Variants in TRIM71 observed in about 807,000 individuals in gnomAD.
TRIM71 encodes the protein tripartite motif containing 71.
In TRIM71, 9 loss-of-function variants were observed where a neutral mutation model predicts 61.2. That is an observed-to-expected ratio of 0.15 (90% CI 0.09 to 0.26). The LOEUF is 0.26. Ranked by LOEUF, TRIM71 falls within the 10% of genes least tolerant of loss-of-function variation. The pLI, the probability that TRIM71 is intolerant of heterozygous loss-of-function variation, is 1.00. For missense variants in TRIM71, 998 were observed against 1,238.7 expected, an observed-to-expected ratio of 0.81 and a Z score of 2.92; for synonymous variants, 645 against 553.2, an observed-to-expected ratio of 1.17 and a Z score of -2.33.
At position 32,891,506 on chromosome 3, in the gene TRIM71, A is replaced by T; in HGVS notation, c.2302A>T (p.Asn768Tyr). 6.2e-7 allele frequency: 1 copy of T among 1,613,398 alleles called. No individual in the cohort carries two copies. The highest frequency in any genetic ancestry group is 8.5e-7 in the Non-Finnish European group (1 of 1,179,718). The change falls in exon 4 of 4, where the codon AAC becomes TAC. Residue 768 changes from asparagine to tyrosine, a missense_variant. Transcript: ENST00000383763. This position sits in a 1 kb window ranked among gnomAD's most constrained non-coding sequence, Gnocchi z 8.2. ...EGHLVVTDFN[N>Y]HRLLVIHPDC... ...CCACTTGGTGGTCACTGACTTCAACAACCACCGGCTCCTGGTTATTCACCC... is the reference window on the plus strand; with the variant it reads ...CCACTTGGTGGTCACTGACTTCAACTACCACCGGCTCCTGGTTATTCACCC...
intron 1 of TRIM71, among the ~76,000 whole-genome samples, chr3:32,827,268 C>G (rs867171003): frequency 7.7e-6 from 1 of 129,678 alleles, no homozygotes; most frequent in Non-Finnish European, 1.7e-5. Context: ...GGGGATAATT[C>G]TTTTTTTTTT....
At chr3:32,827,531 G>A (rs1575340807) in intron 1 of TRIM71, among the ~76,000 whole-genome samples, 1 of 151,938 alleles carries the variant, frequency 6.6e-6, no homozygotes, top group South Asian at 2.1e-4. Flanking sequence ...AAAGTGCTGG[G>A]ATTACAGGCG....
At chr3:32,853,220 G>A (rs557411456) in intron 1 of TRIM71, among the ~76,000 whole-genome samples, 1 of 150,836 alleles carries the variant, frequency 6.6e-6, no homozygotes, top group Non-Finnish European at 1.5e-5. Flanking sequence ...GGGTTCAAGC[G>A]ATTCTCCTGC....
At chr3:32,838,524 TTTTTTTTTTTTTTTTTAATCAAG>T (rs1696361601) in intron 1 of TRIM71, among the ~76,000 whole-genome samples, 1 of 28,860 alleles carries the variant, frequency 3.5e-5, no homozygotes, top group Admixed American at 7.1e-4. Flanking sequence ...CACCTGGCCT[TTTTTTTTTTTTTTTTTAATCAAG>T]CATTTTAGGG....
rs140904477 is a variant in TRIM71, at chr3:32,843,365, G to A, written c.852+24433G>A. 5.3e-5 allele frequency among the ~76,000 whole-genome samples: 8 copies of A among 152,258 alleles called. No homozygotes were observed. In the East Asian group the frequency reaches 1.5e-3, roughly 29 times the overall value. ...CTTTTCTCATCAACCAGAGTTCTAA[G>A]GCATAGCAGTAACTCCCCAGTAAGC... On this transcript the variant is annotated intron_variant, in intron 1 of 3. Transcript: ENST00000383763.
intron 1 of TRIM71, among the ~76,000 whole-genome samples, chr3:32,837,968 G>A (rs1371505517): frequency 6.6e-6 from 1 of 152,140 alleles, no homozygotes; most frequent in Non-Finnish European, 1.5e-5. Flanking sequence ...CCTGCTGGGA[G>A]GCAAATTCCT....
Position 32,894,215 on chromosome 3 carries a change from T to A in TRIM71, c.*2404T>A, listed in dbSNP as rs982782745. 6.6e-6 allele frequency: 1 copy of A among 152,228 alleles called. No individual in the cohort carries two copies. The highest frequency in any genetic ancestry group is 1.5e-5 in the Non-Finnish European group (1 of 68,040). 9.4% of individuals were successfully genotyped at this position (152,228 alleles called of 1,614,324 possible). ...CCAAAGACAACTGGTTTTAAATGCT[T>A]GAAAAAAATTTTATTGAGGAGATGG... On this transcript the variant is annotated 3_prime_UTR_variant, in exon 4 of 4. Coordinates refer to ENST00000383763, the MANE Select transcript of TRIM71 (RefSeq NM_001039111.3).
chr3:32,861,700 T>A (rs1218665458), intron 1 of TRIM71, among the ~76,000 whole-genome samples: 1 of 152,226 alleles, frequency 6.6e-6, no homozygotes, highest in Non-Finnish European at 1.5e-5. Context: ...CTCTTGTAAT[T>A]GCTGGAATGT....
intron 1 of TRIM71, among the ~76,000 whole-genome samples, chr3:32,873,116 G>A (rs111984021): frequency 0.015 from 1,702 of 116,518 alleles, 48 homozygotes; most frequent in African/African-American, 0.048. Context: ...GGGCCCCAGG[G>A]AAGTGTAGAA....
intron 2 of TRIM71, among the ~76,000 whole-genome samples, chr3:32,884,051 A>T (rs1696935287): frequency 6.6e-6 from 1 of 152,178 alleles, no homozygotes; most frequent in African/African-American, 2.4e-5. Context: ...GTCACACAGG[A>T]TCCTCTTAGG....
At chr3:32,818,978 G>T in intron 1 of TRIM71, 46 bp downstream of exon 1, 1 of 1,595,258 alleles carries the variant, frequency 6.3e-7, no homozygotes, top group Non-Finnish European at 8.5e-7. Flanking sequence ...ATAACTGCGT[G>T]TGTGCTCAAC....
intron 1 of TRIM71, among the ~76,000 whole-genome samples, chr3:32,841,839 A>T (rs948748222): frequency 6.6e-6 from 1 of 152,072 alleles, no homozygotes; most frequent in African/African-American, 2.4e-5. Flanking sequence ...CTTCTATTTT[A>T]AAAATTTCTG....
intron 1 of TRIM71, among the ~76,000 whole-genome samples, chr3:32,824,958 C>G (rs1479242825): frequency 6.6e-6 from 1 of 152,040 alleles, no homozygotes; most frequent in Non-Finnish European, 1.5e-5. Flanking sequence ...CCATGCCTGG[C>G]TAATTTTTGT....
intron 1 of TRIM71, among the ~76,000 whole-genome samples, chr3:32,846,612 A>T (rs1057301219): frequency 1.3e-5 from 2 of 152,124 alleles, no homozygotes; most frequent in Non-Finnish European, 2.9e-5. Flanking sequence ...TGTCTAACTG[A>T]AACTTTTAAC....
At chr3:32,847,993 G>A (rs1320427422) in intron 1 of TRIM71, among the ~76,000 whole-genome samples, 2 of 152,190 alleles carry the variant, frequency 1.3e-5, no homozygotes, top group African/African-American at 4.8e-5. Flanking sequence ...ATGGGAGGAT[G>A]TTCATGGGTT....
At position 32,896,530 on chromosome 3, in the gene TRIM71, T is replaced by C. The variant is rs1697079625; in HGVS notation, c.*4719T>C. 6.6e-6 allele frequency: 1 copy of C among 152,192 alleles called. No homozygotes were observed. The highest frequency in any genetic ancestry group is 2.4e-5 in the African/African-American group (1 of 41,448). 9.4% of individuals were successfully genotyped at this position (152,192 alleles called of 1,614,324 possible). ...TGTATTGACCCTCCCACCTCTCTTC[T>C]GCCCTAATTTTTGGTTGTTTGGAAG... On this transcript the variant is annotated 3_prime_UTR_variant, in exon 4 of 4. Transcript: ENST00000383763.
intron 1 of TRIM71, among the ~76,000 whole-genome samples, chr3:32,843,653 G>A (rs1696436626): frequency 6.6e-6 from 1 of 152,140 alleles, no homozygotes; most frequent in Admixed American, 6.5e-5. Flanking sequence ...TCTTCCCCGG[G>A]AAGCAGGCTT....
At position 32,895,281 on chromosome 3, in the gene TRIM71, TG is replaced by T. The variant is rs1697066331; in HGVS notation, c.*3473del. The T allele has an allele frequency of 6.6e-6, 1 of 152,204 alleles. No homozygotes were observed. The highest frequency in any genetic ancestry group is 1.5e-5 in the Non-Finnish European group (1 of 68,042). 9.4% of individuals were successfully genotyped at this position (152,204 alleles called of 1,614,324 possible). On this transcript the variant is annotated 3_prime_UTR_variant, in exon 4 of 4. Coordinates refer to ENST00000383763, the MANE Select transcript of TRIM71 (RefSeq NM_001039111.3). ...AATGCCCTTTTAAGTCTAACTTATT[TG>T]GGAAACACATAACAAAGGGTACCAT... is the stretch of plus-strand genomic sequence containing the variant.
intron 2 of TRIM71, among the ~76,000 whole-genome samples, chr3:32,877,111 G>T (rs1696858823): frequency 6.6e-6 from 1 of 152,050 alleles, no homozygotes; most frequent in Non-Finnish European, 1.5e-5. Flanking sequence ...CATAACTTGT[G>T]TGTGTTTAGC....
Sources: allele counts gnomAD v4.1 joint callset (sites outside exome capture counted in the v4.1 genomes callset), GRCh38; gene constraint gnomAD v4.1.1; non-coding constraint Gnocchi (gnomAD v3.1); transcripts MANE v1.5; gene names NCBI Gene and HGNC (gene_info 2026-07-23, HGNC 2026-07-21).